The following FNIP1 variants were observed in gnomAD, a reference collection of about 807,000 sequenced individuals.
FNIP1 encodes folliculin-interacting protein 1.
FNIP1 carries 40 observed loss-of-function variants against 124.5 expected under a neutral mutation model. The observed-to-expected ratio is 0.32, with a 90% CI of 0.25 to 0.42. The LOEUF (loss-of-function observed/expected upper bound fraction) is 0.42. FNIP1 is among the 10% of genes least tolerant of loss of function. The probability of loss-of-function intolerance (pLI) is 1.00; values close to 1 mark genes in which losing one functional copy is unlikely to be tolerated. For missense variants in FNIP1, 1,176 were observed against 1,403.7 expected (o/e 0.84, Z 2.59); for synonymous variants, 472 against 470.6 (o/e 1.00, Z -0.04).
chr5:131,721,439 C>A (rs1769656311), intron 3 of FNIP1, among the ~76,000 whole-genome samples: 2 of 152,058 alleles, frequency 1.3e-5, no homozygotes, highest in Non-Finnish European at 2.9e-5. Context: ...ATGTAGAAAA[C>A]AATTCATTGT....
intron 1 of FNIP1, among the ~76,000 whole-genome samples, chr5:131,782,211 A>T (rs1772018118): frequency 6.6e-6 from 1 of 152,148 alleles, no homozygotes; most frequent in Admixed American, 6.6e-5. Context: ...TATAGCTGCC[A>T]TAAATAAGTG....
chr5:131,706,380 A>G, intron 9 of FNIP1, 31 bp downstream of exon 9: 1 of 1,590,034 alleles, frequency 6.3e-7, no homozygotes, highest in Non-Finnish European at 8.6e-7. Flanking sequence ...GAACTACTCA[A>G]TCTTGTTCTG....
At chr5:131,676,417 A>G (rs1472378214) in intron 13 of FNIP1, among the ~76,000 whole-genome samples, 1 of 151,902 alleles carries the variant, frequency 6.6e-6, no homozygotes, top group African/African-American at 2.4e-5. Flanking sequence ...CCAAAGTGCC[A>G]GGATTACAGG....
At chr5:131,742,121 T>G (rs1236588326) in intron 2 of FNIP1, among the ~76,000 whole-genome samples, 1 of 152,226 alleles carries the variant, frequency 6.6e-6, no homozygotes, top group Non-Finnish European at 1.5e-5. Flanking sequence ...TTATAACTCA[T>G]GGCGACATTA....
At chr5:131,736,750 T>C (rs1414696470) in intron 2 of FNIP1, among the ~76,000 whole-genome samples, 2 of 152,248 alleles carry the variant, frequency 1.3e-5, no homozygotes, top group African/African-American at 2.4e-5. Context: ...TTTGACAACT[T>C]GCCAAGTTTT....
At chr5:131,772,535 C>T (rs1249385336) in intron 1 of FNIP1, among the ~76,000 whole-genome samples, 1 of 152,082 alleles carries the variant, frequency 6.6e-6, no homozygotes, top group Non-Finnish European at 1.5e-5. Flanking sequence ...GAATCTCAGC[C>T]TACCTCAAAC....
Position 131,716,608 on chromosome 5 carries a change from C to T in FNIP1, c.579G>A (p.Lys193=). 6.2e-7 allele frequency: 1 copy of T among 1,607,552 alleles called. No individual in the cohort carries two copies. Among genetic ancestry groups the T allele is most frequent in the Non-Finnish European group, 8.5e-7 (1 of 1,177,296 alleles). ...CATTAATAACTGTGTTATTATCAGCCTTTAATGTATTGTTGTCCTGATTGA... is the reference window on the plus strand; with the variant it reads ...CATTAATAACTGTGTTATTATCAGCTTTTAATGTATTGTTGTCCTGATTGA... ...EFINQDNNTL[K]ADNNTVINGL... The change falls in exon 6 of 18, where the codon AAG becomes AAA. Residue 193 remains lysine (K), a synonymous_variant. Coordinates refer to ENST00000510461, the MANE Select transcript of FNIP1 (RefSeq NM_133372.3).
rs866969913 is a variant in FNIP1, at chr5:131,644,863, C to T, written c.3423-100G>A. 9 of 1,171,430 alleles carry T rather than the reference C, an allele frequency of 7.7e-6. 1 individual carries two copies. In the Middle Eastern group the frequency reaches 1.2e-3, roughly 151 times the overall value. 72.6% of individuals were successfully genotyped at this position (1,171,430 alleles called of 1,614,324 possible). On this transcript the variant is annotated intron_variant, in intron 17 of 17. Coordinates refer to ENST00000510461, the MANE Select transcript of FNIP1 (RefSeq NM_133372.3). ...CAACTGTAAGGTCACTATACCTCAA[C>T]GGTTAAGGAGCTAGGCCACTCTGGC...
rs1261123268 is a variant in FNIP1 at position 131,778,839 on chromosome 5, G to A, written c.92+17991C>T. 5.7e-5 allele frequency among the ~76,000 whole-genome samples: 8 copies of A among 139,346 alleles called. No individual in the cohort carries two copies. In the East Asian group the frequency reaches 1.0e-3, roughly 17 times the overall value. 91.4% of individuals were successfully genotyped at this position (139,346 alleles called of 152,430 possible). A position where few individuals can be genotyped will look rare whatever the true frequency, so the allele number is the denominator to read the frequency against. The stretch of plus-strand genomic sequence containing the variant: ...CCATAAAAAAGGATGAGTTCATGTC[G>A]TTTGTAGGGACATGGATGAAATTGG... On this transcript the variant is annotated intron_variant, in intron 1 of 17. Transcript: ENST00000510461.
At chr5:131,708,781 C>CAAAAAAAA (rs1769196651) in intron 8 of FNIP1, among the ~76,000 whole-genome samples, 1 of 149,488 alleles carries the variant, frequency 6.7e-6, no homozygotes. Context: ...TGGACAGGTC[C>CAAAAAAAA]ATATTTGGAA....
intron 7 of FNIP1, among the ~76,000 whole-genome samples, 154 bp downstream of exon 7, chr5:131,710,424 A>T (rs1323943836): frequency 2.0e-5 from 3 of 152,212 alleles, no homozygotes; most frequent in Non-Finnish European, 2.9e-5. Flanking sequence ...TGTTCAGTAG[A>T]AAAGGAATTA....
At chr5:131,788,048 GAA>G (rs1302751579) in intron 1 of FNIP1, among the ~76,000 whole-genome samples, 1 of 152,116 alleles carries the variant, frequency 6.6e-6, no homozygotes, top group Admixed American at 6.6e-5. Context: ...GAAAGTAATG[GAA>G]AAGTTTCAAG....
intron 8 of FNIP1, among the ~76,000 whole-genome samples, chr5:131,707,889 C>A (rs1324648516): frequency 6.6e-6 from 1 of 152,038 alleles, no homozygotes; most frequent in African/African-American, 2.4e-5. Context: ...ATAAATTATA[C>A]TTAAATCTTA....
At chr5:131,657,349 G>GACT (rs1360468271) in intron 15 of FNIP1, among the ~76,000 whole-genome samples, 1 of 152,042 alleles carries the variant, frequency 6.6e-6, no homozygotes, top group Non-Finnish European at 1.5e-5. Context: ...GCCAGTAAGT[G>GACT]ACTGCCTTTT....
chr5:131,693,765 A>G (rs1437499020), intron 11 of FNIP1, among the ~76,000 whole-genome samples: 1 of 152,102 alleles, frequency 6.6e-6, no homozygotes, highest in Non-Finnish European at 1.5e-5. Flanking sequence ...TCTGTGAAAG[A>G]CACTATTATA....
At chr5:131,667,818 C>T (rs187700398) in intron 15 of FNIP1, among the ~76,000 whole-genome samples, 1 of 152,246 alleles carries the variant, frequency 6.6e-6, no homozygotes, top group East Asian at 1.9e-4. Context: ...AAACTACTGA[C>T]CTCAAGTAAT....
intron 16 of FNIP1, among the ~76,000 whole-genome samples, chr5:131,648,905 C>T (rs1231034053): frequency 6.6e-6 from 1 of 152,266 alleles, no homozygotes; most frequent in East Asian, 1.9e-4. Context: ...TGGAATCATA[C>T]AATATTTGTC....
Position 131,719,011 on chromosome 5 carries a change from T to G in FNIP1, c.505A>C (p.Ser169Arg). The change falls in exon 5 of 18, where the codon AGC becomes CGC. Residue 169 changes from serine (S) to arginine (R), a missense_variant. Physicochemically the swap from Ser to Arg is moderately radical, Grantham distance 110. This residue lies in a region of FNIP1 where 1,109 missense variants were observed against 1,288.5 expected (regional missense o/e 0.86). Coordinates refer to ENST00000510461, the MANE Select transcript of FNIP1 (RefSeq NM_133372.3). The stretch of plus-strand genomic sequence containing the variant: ...GTATTGAGACTCCCACAAATACTGC[T>G]GCCAGTCCGAGCAGTAAACACTTTG... ...LSKVFTARTG[S>R]SICGSLNTLQ... 6.2e-7 allele frequency: 1 copy of G among 1,613,558 alleles called. No individual in the cohort carries two copies. Among genetic ancestry groups the G allele is most frequent in the Non-Finnish European group, 8.5e-7 (1 of 1,179,564 alleles).
chr5:131,756,242 A>C (rs1044106019), intron 1 of FNIP1, among the ~76,000 whole-genome samples: 1 of 152,158 alleles, frequency 6.6e-6, no homozygotes, highest in African/African-American at 2.4e-5. Flanking sequence ...TTCCATGTAA[A>C]AAAGGAACAG....
Sources: gnomAD v4.1 joint callset for allele counts (sites outside exome capture counted in the v4.1 genomes callset) on GRCh38, gnomAD v4.1.1 for gene constraint, gnomAD v4.1.1 regional missense constraint, MANE v1.5 for transcripts, NCBI Gene and HGNC (gene_info 2026-07-23, HGNC 2026-07-21) for gene names.